The following BCL6 variants were observed in gnomAD, a reference collection of about 807,000 sequenced individuals.
BCL6 encodes B-cell lymphoma 6 protein.
In BCL6, 7 loss-of-function variants were observed where a neutral mutation model predicts 59.5. The observed-to-expected ratio is 0.12, with a 90% CI of 0.07 to 0.22. The LOEUF (loss-of-function observed/expected upper bound fraction) is 0.22, where lower values mean the gene tolerates loss of function less well. BCL6 is among the 10% of genes least tolerant of loss of function. BCL6 has a pLI of 1.00. For missense variants in BCL6, 685 were observed against 939.4 expected, an observed-to-expected ratio of 0.73 and a Z score of 3.54; for synonymous variants, 339 against 349.7, an observed-to-expected ratio of 0.97 and a Z score of 0.34.
intron 5 of BCL6, among the ~76,000 whole-genome samples, 160 bp from the exon 6 acceptor site, chr3:187,728,704 C>A (rs762271598): frequency 6.6e-6 from 1 of 152,070 alleles, no homozygotes; most frequent in Non-Finnish European, 1.5e-5. Flanking sequence ...ACAGTATCTG[C>A]AGAAAGATCA....
rs955914319 is a variant in BCL6, at chr3:187,722,286, C to T, written c.*172G>A. The T allele has an allele frequency of 7.4e-6, 5 of 673,424 alleles. No individual in the cohort carries two copies. Among genetic ancestry groups the T allele is most frequent in the African/African-American group, 5.6e-5 (3 of 53,144 alleles). The allele number at this position is 673,424 out of a possible 1,614,324, so 41.7% of individuals were successfully genotyped here. On this transcript the variant is annotated 3_prime_UTR_variant, in exon 10 of 10. Coordinates refer to ENST00000406870, the MANE Select transcript of BCL6 (RefSeq NM_001706.5). ...GGCAGTGGGGGAGGGGGAGCTGCTG[C>T]GGCTCCCAGTCCCCCAGGCCCCGAC...
Position 187,732,036 on chromosome 3 carries a change from T to C in BCL6, c.162-106A>G, listed in dbSNP as rs555454768. On this transcript the variant is annotated intron_variant, in intron 3 of 9. Transcript: ENST00000406870. The stretch of plus-strand genomic sequence containing the variant: ...TTTCCCCTGGGCCTACCTCCAGAAC[T>C]TCTACGGTAATTAATAATAGCTGCT... 16 of 898,076 alleles carry C rather than the reference T, an allele frequency of 1.8e-5. No homozygotes were observed. In the Admixed American group the frequency reaches 3.0e-4, roughly 17 times the overall value. 55.6% of individuals were successfully genotyped at this position (898,076 alleles called of 1,614,324 possible).
intron 5 of BCL6, among the ~76,000 whole-genome samples, chr3:187,728,814 A>G (rs937530368): frequency 3.3e-5 from 5 of 152,210 alleles, no homozygotes; most frequent in African/African-American, 9.6e-5. Context: ...GACCACAGGA[A>G]GTGCCTGTGG....
At chr3:187,727,933 AC>A (rs1305347787) in intron 6 of BCL6, among the ~76,000 whole-genome samples, 1 of 152,220 alleles carries the variant, frequency 6.6e-6, no homozygotes, top group African/African-American at 2.4e-5. Flanking sequence ...CTAGGGACTT[AC>A]TACTACCTAT....
In BCL6 at chr3:187,725,225, C is replaced by T; in HGVS notation, c.1840-147G>A. 7.5e-7 allele frequency: 1 copy of T among 1,331,136 alleles called. No individual in the cohort carries two copies. The highest frequency in any genetic ancestry group is 1.0e-6 in the Non-Finnish European group (1 of 967,404). The allele number at this position is 1,331,136 out of a possible 1,614,324, so 82.5% of individuals were successfully genotyped here. On this transcript the variant is annotated intron_variant, in intron 8 of 9. Coordinates refer to ENST00000406870, the MANE Select transcript of BCL6 (RefSeq NM_001706.5). This position sits in a 1 kb window ranked among gnomAD's most constrained non-coding sequence, Gnocchi z 4.7. ...AGGGACTGAGTGGGCCTTTCTGCTG[C>T]CCACTCTGCTCACCTGCCCACTCCT...
In BCL6 at chr3:187,725,737, G is replaced by T. The variant is rs994306713; in HGVS notation, c.1709-108C>A. On this transcript the variant is annotated intron_variant, in intron 7 of 9. Coordinates refer to ENST00000406870, the MANE Select transcript of BCL6 (RefSeq NM_001706.5). This position sits in a 1 kb window ranked among gnomAD's most constrained non-coding sequence, Gnocchi z 4.7. ...AGCCTGCTCCTCCCTGAGGCCACTT[G>T]TGTTTTCCTTTCCCTTAGGGAATGT... The T allele has an allele frequency of 2.9e-5, 40 of 1,381,556 alleles. No homozygotes were observed. Among genetic ancestry groups the T allele is most frequent in the Non-Finnish European group, 3.6e-5 (36 of 1,009,542 alleles). The allele number at this position is 1,381,556 out of a possible 1,614,324, so 85.6% of individuals were successfully genotyped here. A position where few individuals can be genotyped will look rare whatever the true frequency, so the allele number is the denominator to read the frequency against.
intron 1 of BCL6, among the ~76,000 whole-genome samples, chr3:187,738,436 A>G (rs1357933532): frequency 6.6e-6 from 1 of 152,090 alleles, no homozygotes; most frequent in African/African-American, 2.4e-5. Flanking sequence ...TTTCCGCCCA[A>G]AGTCTTTAGA....
chr3:187,745,330 G>C (rs905460351), intron 1 of BCL6, 80 bp downstream of exon 1: 24 of 401,144 alleles, frequency 6.0e-5, no homozygotes, highest in African/African-American at 4.7e-4. Context: ...ATGAGCAGCG[G>C]CGGCGGCAGC....
chr3:187,744,097 T>G (rs553187400), intron 1 of BCL6, among the ~76,000 whole-genome samples: 1 of 152,202 alleles, frequency 6.6e-6, no homozygotes, highest in East Asian at 1.9e-4. Context: ...AGGCCCGCAG[T>G]TCCCTTTTTA....
intron 6 of BCL6, among the ~76,000 whole-genome samples, chr3:187,727,572 C>T (rs1342833149): frequency 6.6e-6 from 1 of 152,122 alleles, no homozygotes; most frequent in East Asian, 1.9e-4. Flanking sequence ...GAACAGAGGC[C>T]CAGAGAAAAA....
chr3:187,744,146 G>C (rs563187709), intron 1 of BCL6, among the ~76,000 whole-genome samples: 3 of 152,228 alleles, frequency 2.0e-5, no homozygotes, highest in East Asian at 1.9e-4. Context: ...ATAAAATTTA[G>C]GAAAGGGAGG....
rs770906264 is a variant in BCL6, at chr3:187,725,126, C to T, written c.1840-48G>A. On this transcript the variant is annotated intron_variant, in intron 8 of 9. Transcript: ENST00000406870. This position sits in a 1 kb window ranked among gnomAD's most constrained non-coding sequence, Gnocchi z 4.7. The stretch of plus-strand genomic sequence containing the variant: ...GAGGTCTTCTGGGGTGGGCTGCAGG[C>T]CTCTGGGCAGCCCCTCATTAGCACA... 1 of 1,610,182 alleles carries T rather than the reference C, an allele frequency of 6.2e-7. No homozygotes were observed. Among genetic ancestry groups the T allele is most frequent in the South Asian group, 1.1e-5 (1 of 90,882 alleles).
intron 3 of BCL6, among the ~76,000 whole-genome samples, chr3:187,732,941 T>C (rs1338211926): frequency 6.6e-6 from 1 of 152,174 alleles, no homozygotes. Context: ...TTTTACCATC[T>C]ATAAAATGAA....
Position 187,728,426 on chromosome 3 carries a change from T to C in BCL6, c.1474A>G (p.Thr492Ala). 1 of 1,612,274 alleles carries C rather than the reference T, an allele frequency of 6.2e-7. No homozygotes were observed. Among genetic ancestry groups the C allele is most frequent in the Non-Finnish European group, 8.5e-7 (1 of 1,179,412 alleles). The change falls in exon 6 of 10, where the codon ACC (threonine) becomes GCC (alanine). Residue 492 changes from threonine to alanine, a missense_variant. Transcript: ENST00000406870. ...SPQHAEMCLH[T>A]AGPTFPEEMG... ...TCCTCAGGGAACGTGGGGCCAGCGG[T>C]GTGGAGGCACATCTCTGCATGCTGT...
chr3:187,738,726 G>A (rs1479728695), intron 1 of BCL6, among the ~76,000 whole-genome samples: 1 of 152,200 alleles, frequency 6.6e-6, no homozygotes, highest in Non-Finnish European at 1.5e-5. Flanking sequence ...CTAGCCAGTG[G>A]CGTCACACTG....
chr3:187,733,437 C>T, intron 3 of BCL6, 96 bp downstream of exon 3: 2 of 1,419,862 alleles, frequency 1.4e-6, no homozygotes, highest in Admixed American at 3.8e-5. Context: ...GACGTCATCC[C>T]AGATGCAGTA....
intron 1 of BCL6, among the ~76,000 whole-genome samples, chr3:187,738,344 G>A (rs920945925): frequency 6.6e-6 from 1 of 152,086 alleles, no homozygotes; most frequent in Non-Finnish European, 1.5e-5. Context: ...CATCATAGGC[G>A]CCCCAGGCAA....
chr3:187,739,674 C>G (rs113757594), intron 1 of BCL6, among the ~76,000 whole-genome samples: 59 of 152,130 alleles, frequency 3.9e-4, no homozygotes, highest in Non-Finnish European at 4.7e-4. Flanking sequence ...AGGGACGTTC[C>G]CCATACGCTC....
At position 187,729,070 on chromosome 3, in the gene BCL6, C is replaced by A; in HGVS notation, c.1335G>T (p.Arg445=). The A allele has an allele frequency of 6.5e-7, 1 of 1,527,510 alleles. No individual in the cohort carries two copies. The highest frequency in any genetic ancestry group is 8.8e-7 in the Non-Finnish European group (1 of 1,139,372). The allele number at this position is 1,527,510 out of a possible 1,614,324, so 94.6% of individuals were successfully genotyped here. A position where few individuals can be genotyped will look rare whatever the true frequency, so the allele number is the denominator to read the frequency against. The change falls in exon 5 of 10, where the codon CGG becomes CGT. Residue 445 remains arginine, a synonymous_variant. Coordinates refer to ENST00000406870, the MANE Select transcript of BCL6 (RefSeq NM_001706.5). This position sits in a 1 kb window ranked among gnomAD's most constrained non-coding sequence, Gnocchi z 5.6. ...GEDSTIPQAS[R]LNNIVNRSMT... ...ATCACCTGTTAACGATGTTATTGAG[C>A]CGGCTGGCTTGTGGGATGGTGGAGT...
Sources: gnomAD v4.1 joint callset for allele counts (sites outside exome capture counted in the v4.1 genomes callset) on GRCh38, gnomAD v4.1.1 for gene constraint, Gnocchi (gnomAD v3.1) non-coding constraint, MANE v1.5 for transcripts, NCBI Gene and HGNC (gene_info 2026-07-23, HGNC 2026-07-21) for gene names.